Variants in OSBP2 observed in about 807,000 individuals in gnomAD.
OSBP2 encodes oxysterol binding protein 2.
OSBP2 carries 66 observed loss-of-function variants against 96.0 expected under a neutral mutation model. The ratio of observed to expected loss-of-function variants is 0.69; its 90% confidence interval spans 0.56 to 0.84. The LOEUF is 0.84. Among genes scored for constraint, OSBP2 ranks in the 40% least tolerant of loss-of-function variants. The pLI, the probability that OSBP2 is intolerant of heterozygous loss-of-function variation, is 0.00. For missense variants in OSBP2, 1,038 were observed against 1,222.7 expected, an observed-to-expected ratio of 0.85 and a Z score of 2.25; for synonymous variants, 525 against 520.9, an observed-to-expected ratio of 1.01 and a Z score of -0.11.
chr22:30,776,377 T>C (rs569641356), intron 2 of OSBP2, among the ~76,000 whole-genome samples: 1 of 152,216 alleles, frequency 6.6e-6, no homozygotes, highest in South Asian at 2.1e-4. Context: ...TGCCCGCCCC[T>C]GCCTCCCAAC....
chr22:30,825,606 G>T (rs1027053325), intron 2 of OSBP2, among the ~76,000 whole-genome samples: 5 of 152,248 alleles, frequency 3.3e-5, no homozygotes, highest in African/African-American at 9.6e-5. Context: ...GCCTTTGTAT[G>T]TGTGCACTTA....
chr22:30,728,649 A>G (rs1382465034), intron 1 of OSBP2, among the ~76,000 whole-genome samples: 2 of 152,002 alleles, frequency 1.3e-5, no homozygotes, highest in African/African-American at 4.8e-5. Flanking sequence ...GGCACATGTC[A>G]ACATGCCTGG....
intron 2 of OSBP2, among the ~76,000 whole-genome samples, chr22:30,771,238 A>C (rs2090344107): frequency 6.6e-6 from 1 of 152,168 alleles, no homozygotes; most frequent in Non-Finnish European, 1.5e-5. Context: ...AGCCCAGGCC[A>C]AGGAACCATG....
At chr22:30,768,781 CT>C (rs1198748337) in intron 2 of OSBP2, among the ~76,000 whole-genome samples, 2 of 152,154 alleles carry the variant, frequency 1.3e-5, no homozygotes, top group Non-Finnish European at 2.9e-5. Context: ...TAATTGTTTC[CT>C]TTGTAACTAG....
intron 2 of OSBP2, among the ~76,000 whole-genome samples, chr22:30,815,602 C>T (rs1277319616): frequency 2.0e-5 from 3 of 152,188 alleles, no homozygotes; most frequent in Admixed American, 1.3e-4. Context: ...TTAATGTTTG[C>T]ATGTTAGCTT....
At chr22:30,705,439 A>G (rs1307783670) in intron 1 of OSBP2, among the ~76,000 whole-genome samples, 2 of 151,988 alleles carry the variant, frequency 1.3e-5, no homozygotes, top group African/African-American at 2.4e-5. Context: ...AATTACAGGC[A>G]TGCACCACCA....
chr22:30,866,590 A>C (rs931215843), intron 2 of OSBP2, among the ~76,000 whole-genome samples: 1 of 152,194 alleles, frequency 6.6e-6, no homozygotes, highest in Non-Finnish European at 1.5e-5. Context: ...TACAAAAATT[A>C]GCCAGGCATG....
chr22:30,769,342 C>T (rs558213744), intron 2 of OSBP2, among the ~76,000 whole-genome samples: 38 of 152,244 alleles, frequency 2.5e-4, no homozygotes, highest in Admixed American at 5.9e-4. Flanking sequence ...GGGTAAATAA[C>T]AACAACAATA....
chr22:30,902,405 G>T, intron 12 of OSBP2: 2 of 1,566,072 alleles, frequency 1.3e-6, no homozygotes, highest in South Asian at 1.1e-5. Context: ...ACATACGATG[G>T]TGCACTGTTG....
In OSBP2 at chr22:30,890,715, T is replaced by C. The variant is rs768667909; in HGVS notation, c.1624-13T>C. ...CTGGTGCCCAGCCTGACCACCCACC[T>C]GTCCACCCACAGGTGAACTTCAATG... On this transcript the variant is annotated splice_polypyrimidine_tract_variant and intron_variant, in intron 7 of 13. Coordinates refer to ENST00000332585, the MANE Select transcript of OSBP2 (RefSeq NM_030758.4). This position sits in a 1 kb window ranked among gnomAD's most constrained non-coding sequence, Gnocchi z 4.4. The C allele has an allele frequency of 6.2e-7, 1 of 1,610,098 alleles. No individual in the cohort carries two copies. The highest frequency in any genetic ancestry group is 1.3e-5 in the African/African-American group (1 of 75,014).
At chr22:30,756,479 G>A (rs1003371119) in intron 2 of OSBP2, among the ~76,000 whole-genome samples, 6 of 152,142 alleles carry the variant, frequency 3.9e-5, no homozygotes, top group African/African-American at 1.4e-4. Context: ...CGGATCACGA[G>A]GTCAGGAGTT....
chr22:30,743,606 T>C (rs1602204310), intron 2 of OSBP2, among the ~76,000 whole-genome samples: 1 of 152,242 alleles, frequency 6.6e-6, no homozygotes, highest in East Asian at 1.9e-4. Flanking sequence ...ACAGCTGGGC[T>C]CAGGGCACTC....
rs979484544 is a variant in OSBP2 at position 30,871,682 on chromosome 22, A to G, written c.1107+1000A>G. 1.0e-5 allele frequency among the ~76,000 whole-genome samples: 1 copy of G among 98,778 alleles called. No homozygotes were observed. The highest frequency in any genetic ancestry group is 3.0e-5 in the African/African-American group (1 of 32,924). The allele number at this position is 98,778 out of a possible 152,430, so 64.8% of individuals were successfully genotyped here. On this transcript the variant is annotated intron_variant, in intron 3 of 13. Transcript: ENST00000332585. This position sits in a 1 kb window ranked among gnomAD's most constrained non-coding sequence, Gnocchi z 4.7. ...AGCTGGGGGACCCAGCCCCCAAACT[A>G]GGAGGTTAGACCAGGGCCGGACTGG...
rs1491303061 is a variant in OSBP2, at chr22:30,730,808, A to ATATATATATATT, written c.645-10353_645-10352insTATATATATATT. Among the ~76,000 whole-genome samples, 91 of 39,314 alleles carry ATATATATATATT rather than the reference A, an allele frequency of 2.3e-3. 12 individuals carry two copies. The highest frequency in any genetic ancestry group is 6.5e-3 in the South Asian group (6 of 928). 25.8% of individuals were successfully genotyped at this position (39,314 alleles called of 152,430 possible). A position where few individuals can be genotyped will look rare whatever the true frequency, so the allele number is the denominator to read the frequency against. The stretch of plus-strand genomic sequence containing the variant: ...TATATATATATATATATATATATAT[A>ATATATATATATT]ATTTTTTTTTTTTTTCCCATGGACA... On this transcript the variant is annotated intron_variant, in intron 1 of 13. Coordinates refer to ENST00000332585, the MANE Select transcript of OSBP2 (RefSeq NM_030758.4).
chr22:30,775,306 T>A (rs2090415749), intron 2 of OSBP2, among the ~76,000 whole-genome samples: 1 of 151,618 alleles, frequency 6.6e-6, no homozygotes. Flanking sequence ...AAACAAGGAG[T>A]CTTTTAAAAA....
At position 30,893,194 on chromosome 22, in the gene OSBP2, A is replaced by ACCATCTCCAGCAAGTTCC. The variant is rs766882340; in HGVS notation, c.1943_1960dup (p.Phe653_Arg654insProIleSerSerLysPhe). Reference sequence around the variant, plus strand: ...TGGCTGGAGCCTCTGGCAGGAGATCACCATCTCCAGCAAGTTCCGGGGAAA... The same window carrying ACCATCTCCAGCAAGTTCC: ...TGGCTGGAGCCTCTGGCAGGAGATCACCATCTCCAGCAAGTTCCCCATCTCCAGCAAGTTCCGGGGAAA... On this transcript the variant is annotated inframe_insertion, in exon 9 of 14. Coordinates refer to ENST00000332585, the MANE Select transcript of OSBP2 (RefSeq NM_030758.4). 2 of 1,613,994 alleles carry ACCATCTCCAGCAAGTTCC rather than the reference A, an allele frequency of 1.2e-6. No individual in the cohort carries two copies. Among genetic ancestry groups the ACCATCTCCAGCAAGTTCC allele is most frequent in the Non-Finnish European group, 1.7e-6 (2 of 1,179,876 alleles).
intron 3 of OSBP2, among the ~76,000 whole-genome samples, chr22:30,875,563 C>G (rs5997798): frequency 0.42 from 63,557 of 151,880 alleles, 14,289 homozygotes; most frequent in Non-Finnish European, 0.52. Flanking sequence ...ATAGAGAAGA[C>G]GTTTCTCCAT....
At position 30,847,869 on chromosome 22, in the gene OSBP2, C is replaced by T. The variant is rs564954634; in HGVS notation, c.854-22560C>T. Reference sequence around the variant, plus strand: ...TTAGTCATTTGTATCATTCTTTTTTCGTCCTCAATCTGGCTAGAGGTTTAT... The same window carrying T: ...TTAGTCATTTGTATCATTCTTTTTTTGTCCTCAATCTGGCTAGAGGTTTAT... On this transcript the variant is annotated intron_variant, in intron 2 of 13. Coordinates refer to ENST00000332585, the MANE Select transcript of OSBP2 (RefSeq NM_030758.4). 1.6e-3 allele frequency among the ~76,000 whole-genome samples: 240 copies of T among 152,142 alleles called. 1 individual carries two copies. The highest frequency in any genetic ancestry group is 4.1e-3 in the African/African-American group (171 of 41,522).
At chr22:30,730,758 CTCTCTCTCTCTCTCTCTATA>C (rs1374941290) in intron 1 of OSBP2, among the ~76,000 whole-genome samples, 37 of 42,910 alleles carry the variant, frequency 8.6e-4, no homozygotes, top group South Asian at 7.7e-3. Context: ...CTCTCTCTCT[CTCTCTCTCTCTCTCTCTATA>C]TATATATATA....
Sources: gnomAD v4.1 joint callset for allele counts (sites outside exome capture counted in the v4.1 genomes callset) on GRCh38, gnomAD v4.1.1 for gene constraint, Gnocchi (gnomAD v3.1) non-coding constraint, MANE v1.5 for transcripts, NCBI Gene and HGNC (gene_info 2026-07-23, HGNC 2026-07-21) for gene names.